The following GALNTL6 variants were observed in gnomAD, a reference collection of about 807,000 sequenced individuals.
GALNTL6 encodes the protein polypeptide N-acetylgalactosaminyltransferase-like 6.
In GALNTL6, 46 loss-of-function variants were observed where a neutral mutation model predicts 73.7. That is an observed-to-expected ratio of 0.62 (90% CI 0.49 to 0.80). The LOEUF is 0.80. Ranked by LOEUF, GALNTL6 falls within the 30% of genes least tolerant of loss-of-function variation. The probability of loss-of-function intolerance (pLI) is 0.00; values close to 1 mark genes in which losing one functional copy is unlikely to be tolerated. For synonymous variants in GALNTL6, 259 were observed against 263.7 expected (o/e 0.98, Z 0.17); for missense variants, 604 against 755.0 (o/e 0.80, Z 2.34).
In GALNTL6 at chr4:172,304,395, CA is replaced by C. The variant is rs1740049716; in HGVS notation, c.248-7218del. 2.7e-5 allele frequency among the ~76,000 whole-genome samples: 4 copies of C among 146,522 alleles called. No individual in the cohort carries two copies. In the South Asian group the frequency reaches 9.0e-4, roughly 33 times the overall value. On this transcript the variant is annotated intron_variant, in intron 3 of 12. Transcript: ENST00000506823. ...ACATTAGTCGGTTAATAGGTGAAAA[CA>C]TAAGTGTAGAATAGTAAGTAGTATA...
chr4:172,318,632 G>A (rs1344267515), intron 4 of GALNTL6, among the ~76,000 whole-genome samples: 1 of 152,108 alleles, frequency 6.6e-6, no homozygotes, highest in East Asian at 1.9e-4. Flanking sequence ...AACTCAGGAG[G>A]CAGAGGTTGC....
intron 5 of GALNTL6, among the ~76,000 whole-genome samples, chr4:172,440,848 A>C (rs1161916682): frequency 6.6e-6 from 1 of 152,130 alleles, no homozygotes; most frequent in African/African-American, 2.4e-5. Context: ...GCTTTTATAT[A>C]GAAATTAGGC....
chr4:172,957,993 G>C (rs1749837632), intron 10 of GALNTL6, among the ~76,000 whole-genome samples: 1 of 152,182 alleles, frequency 6.6e-6, no homozygotes, highest in Non-Finnish European at 1.5e-5. Context: ...GAGAGATACA[G>C]TCATGGGGGT....
At chr4:172,841,704 A>G (rs1034131816) in intron 7 of GALNTL6, among the ~76,000 whole-genome samples, 1 of 152,102 alleles carries the variant, frequency 6.6e-6, no homozygotes, top group African/African-American at 2.4e-5. Flanking sequence ...AAATCCACTC[A>G]CTATCGCAAG....
intron 2 of GALNTL6, among the ~76,000 whole-genome samples, chr4:171,982,350 T>C (rs111649221): frequency 3.1e-4 from 47 of 152,240 alleles, no homozygotes; most frequent in Non-Finnish European, 5.0e-4. Flanking sequence ...CAGGCTGGAG[T>C]GCAGTGGCGC....
intron 2 of GALNTL6, among the ~76,000 whole-genome samples, chr4:171,845,634 T>G (rs1272672427): frequency 6.6e-6 from 1 of 152,120 alleles, no homozygotes; most frequent in African/African-American, 2.4e-5. Context: ...GATTTTTCCC[T>G]TCAGCCAGTG....
At chr4:172,680,892 A>G (rs1373409605) in intron 5 of GALNTL6, among the ~76,000 whole-genome samples, 2 of 152,240 alleles carry the variant, frequency 1.3e-5, no homozygotes, top group Non-Finnish European at 2.9e-5. Flanking sequence ...TGAGATGAGT[A>G]AGCATATTAC....
At chr4:171,917,044 C>T (rs1737652325) in intron 2 of GALNTL6, among the ~76,000 whole-genome samples, 1 of 152,052 alleles carries the variant, frequency 6.6e-6, no homozygotes, top group South Asian at 2.1e-4. Context: ...CCGTGTATCT[C>T]TTCAGGGCCA....
intron 5 of GALNTL6, among the ~76,000 whole-genome samples, chr4:172,495,746 T>C (rs753221136): frequency 1.2e-4 from 19 of 152,190 alleles, no homozygotes; most frequent in African/African-American, 3.6e-4. Flanking sequence ...TGGGTCTGAA[T>C]TGGAACCTGT....
intron 5 of GALNTL6, among the ~76,000 whole-genome samples, chr4:172,379,335 C>T (rs1483172080): frequency 2.0e-5 from 3 of 151,876 alleles, no homozygotes; most frequent in African/African-American, 7.3e-5. Context: ...TCGAGACCAT[C>T]CTGGCTAACA....
chr4:172,476,455 A>G (rs1176858972), intron 5 of GALNTL6, among the ~76,000 whole-genome samples: 1 of 152,242 alleles, frequency 6.6e-6, no homozygotes, highest in Non-Finnish European at 1.5e-5. Flanking sequence ...GCAAATATGT[A>G]TGTATTGAAC....
chr4:171,878,944 T>C (rs183793926), intron 2 of GALNTL6, among the ~76,000 whole-genome samples: 24 of 152,246 alleles, frequency 1.6e-4, no homozygotes, highest in African/African-American at 5.3e-4. Context: ...CTATTTCCCT[T>C]TCACCTTCTG....
intron 2 of GALNTL6, among the ~76,000 whole-genome samples, chr4:172,207,049 C>A: frequency 6.6e-6 from 1 of 151,448 alleles, no homozygotes; most frequent in East Asian, 2.0e-4. Context: ...AATCTCCTGA[C>A]CTCGTGATCC....
At chr4:172,659,802 C>A (rs1731275523) in intron 5 of GALNTL6, among the ~76,000 whole-genome samples, 1 of 152,170 alleles carries the variant, frequency 6.6e-6, no homozygotes, top group African/African-American at 2.4e-5. Flanking sequence ...GCCTTAGTAG[C>A]AGAGCTGAGG....
intron 2 of GALNTL6, among the ~76,000 whole-genome samples, chr4:172,053,344 T>C (rs1389963504): frequency 1.3e-5 from 2 of 152,154 alleles, no homozygotes; most frequent in Non-Finnish European, 2.9e-5. Flanking sequence ...CCAGTCATTA[T>C]AGTCAACTTA....
intron 2 of GALNTL6, among the ~76,000 whole-genome samples, chr4:171,906,329 A>G (rs1396501381): frequency 6.6e-6 from 1 of 151,508 alleles, no homozygotes; most frequent in Non-Finnish European, 1.5e-5. Context: ...CCGATCCCAC[A>G]GAAATACAAA....
intron 2 of GALNTL6, among the ~76,000 whole-genome samples, chr4:172,090,215 C>A (rs546886950): frequency 1.3e-5 from 2 of 152,110 alleles, no homozygotes; most frequent in African/African-American, 2.4e-5. Context: ...GATATATACC[C>A]AGTAATAAAA....
At chr4:172,314,274 T>G (rs1394812571) in intron 4 of GALNTL6, among the ~76,000 whole-genome samples, 1 of 152,204 alleles carries the variant, frequency 6.6e-6, no homozygotes, top group East Asian at 1.9e-4. Flanking sequence ...CTTTTCCTTT[T>G]CAGTAAGCCA....
chr4:172,486,135 T>C (rs1390727952), intron 5 of GALNTL6, among the ~76,000 whole-genome samples: 1 of 152,206 alleles, frequency 6.6e-6, no homozygotes, highest in Non-Finnish European at 1.5e-5. Context: ...TGAAATATTT[T>C]AATTTTTTAT....
Sources: gnomAD v4.1 joint callset for allele counts (sites outside exome capture counted in the v4.1 genomes callset) on GRCh38, gnomAD v4.1.1 for gene constraint, MANE v1.5 for transcripts, NCBI Gene and HGNC (gene_info 2026-07-23, HGNC 2026-07-21) for gene names.